Variants in HACD2 observed in about 807,000 individuals in gnomAD.
The protein encoded by HACD2 is 3-hydroxyacyl-CoA dehydratase 2.
HACD2 carries 15 observed loss-of-function variants against 31.0 expected under a neutral mutation model. The observed-to-expected ratio is 0.48, with a 90% CI of 0.32 to 0.75. HACD2 has a LOEUF of 0.75. Among genes scored for constraint, HACD2 ranks in the 30% least tolerant of loss-of-function variants. The probability of loss-of-function intolerance (pLI) is 0.03; values close to 1 mark genes in which losing one functional copy is unlikely to be tolerated. For synonymous variants in HACD2, 115 were observed against 122.2 expected (o/e 0.94, Z 0.39); for missense variants, 283 against 313.0 (o/e 0.90, Z 0.72).
intron 3 of HACD2, among the ~76,000 whole-genome samples, chr3:123,533,537 T>C (rs776209277): frequency 1.3e-5 from 2 of 152,232 alleles, no homozygotes; most frequent in Admixed American, 6.5e-5. Flanking sequence ...TGGCATAGCA[T>C]GTTAAAACCA....
chr3:123,541,295 T>C (rs186205889), intron 3 of HACD2, among the ~76,000 whole-genome samples: 12 of 152,250 alleles, frequency 7.9e-5, no homozygotes, highest in African/African-American at 2.2e-4. Flanking sequence ...CCCAACCTAA[T>C]AGCCACTTTC....
At chr3:123,500,417 A>C (rs1419204494) in intron 6 of HACD2, 98 bp downstream of exon 6, 1 of 759,596 alleles carries the variant, frequency 1.3e-6, no homozygotes, top group Non-Finnish European at 2.1e-6. Flanking sequence ...TGAGATTTAC[A>C]TTTACTTGGA....
chr3:123,566,728 C>G (rs1417771028), intron 3 of HACD2, among the ~76,000 whole-genome samples: 1 of 152,008 alleles, frequency 6.6e-6, no homozygotes, highest in Non-Finnish European at 1.5e-5. Context: ...AAAACCCCAT[C>G]TCTACTAAAA....
intron 2 of HACD2, among the ~76,000 whole-genome samples, chr3:123,577,997 TA>T (rs1176148725): frequency 2.0e-5 from 3 of 152,268 alleles, no homozygotes; most frequent in Non-Finnish European, 2.9e-5. Context: ...ATCATCACCT[TA>T]AAAGGAAATC....
intron 3 of HACD2, among the ~76,000 whole-genome samples, chr3:123,533,720 A>T (rs1433203936): frequency 6.6e-6 from 1 of 151,844 alleles, no homozygotes; most frequent in African/African-American, 2.4e-5. Context: ...GCCAGATACC[A>T]CTCTCCACAC....
At chr3:123,510,666 T>C (rs1231375308) in intron 4 of HACD2, among the ~76,000 whole-genome samples, 1 of 152,258 alleles carries the variant, frequency 6.6e-6, no homozygotes, top group Non-Finnish European at 1.5e-5. Context: ...TTATCATTTG[T>C]TGATGGACAT....
At chr3:123,548,169 T>C (rs1226493746) in intron 3 of HACD2, among the ~76,000 whole-genome samples, 1 of 152,068 alleles carries the variant, frequency 6.6e-6, no homozygotes, top group East Asian at 1.9e-4. Flanking sequence ...GGGCGTGATG[T>C]GGGCTTAGTA....
chr3:123,540,735 C>T (rs893732014), intron 3 of HACD2, among the ~76,000 whole-genome samples: 2 of 151,950 alleles, frequency 1.3e-5, no homozygotes, highest in African/African-American at 4.8e-5. Context: ...TGTATTTCAC[C>T]AGCAAGAGCA....
Position 123,526,212 on chromosome 3 carries a change from C to T in HACD2, c.381+2174G>A, listed in dbSNP as rs188922096. On this transcript the variant is annotated intron_variant, in intron 4 of 6. Coordinates refer to ENST00000383657, the MANE Select transcript of HACD2 (RefSeq NM_198402.5). ...TTTTCAAGGTGACATATAGCAAGTACTGGCCTCTGAGGGGCCACAGCAACA... is the reference window on the plus strand; with the variant it reads ...TTTTCAAGGTGACATATAGCAAGTATTGGCCTCTGAGGGGCCACAGCAACA... Among the ~76,000 whole-genome samples the T allele has an allele frequency of 4.6e-3, 704 of 152,334 alleles. 2 individuals are homozygous for T. Among genetic ancestry groups the T allele is most frequent in the Middle Eastern group, 0.01 (3 of 292 alleles).
intron 4 of HACD2, among the ~76,000 whole-genome samples, chr3:123,522,533 G>C (rs2107700953): frequency 6.6e-6 from 1 of 152,256 alleles, no homozygotes; most frequent in East Asian, 1.9e-4. Flanking sequence ...ATAGGTAACG[G>C]CAAAAGGATC....
At chr3:123,543,121 C>T (rs4678041) in intron 3 of HACD2, among the ~76,000 whole-genome samples, 27,517 of 152,044 alleles carry the variant, frequency 0.18, 3,321 homozygotes, top group East Asian at 0.39. Context: ...GCCCTCATTC[C>T]GTTTTAAATT....
chr3:123,571,714 A>AC (rs1427686475), intron 2 of HACD2, among the ~76,000 whole-genome samples: 1 of 152,076 alleles, frequency 6.6e-6, no homozygotes, highest in Non-Finnish European at 1.5e-5. Context: ...ATCTTATGAG[A>AC]CCCCCGAGCA....
At chr3:123,515,305 T>G (rs2056119968) in intron 4 of HACD2, among the ~76,000 whole-genome samples, 1 of 152,172 alleles carries the variant, frequency 6.6e-6, no homozygotes, top group African/African-American at 2.4e-5. Flanking sequence ...TGACTCATAC[T>G]AGGCTGGAAG....
At chr3:123,538,048 G>C (rs943367404) in intron 3 of HACD2, among the ~76,000 whole-genome samples, 2 of 152,160 alleles carry the variant, frequency 1.3e-5, no homozygotes, top group African/African-American at 4.8e-5. Flanking sequence ...AGAAGGATGG[G>C]ATATAAAACA....
intron 4 of HACD2, among the ~76,000 whole-genome samples, chr3:123,521,653 G>A (rs772811687): frequency 1.4e-4 from 21 of 150,982 alleles, no homozygotes; most frequent in Non-Finnish European, 2.2e-4. Flanking sequence ...GTTTTCAGGA[G>A]CAGAGTCACC....
At chr3:123,516,908 A>G (rs994657896) in intron 4 of HACD2, among the ~76,000 whole-genome samples, 1 of 152,168 alleles carries the variant, frequency 6.6e-6, no homozygotes, top group Non-Finnish European at 1.5e-5. Context: ...CTCTACTCCA[A>G]TTGAGTGTAA....
chr3:123,558,166 G>A (rs149175918), intron 3 of HACD2, among the ~76,000 whole-genome samples: 2,337 of 152,294 alleles, frequency 0.015, 65 homozygotes, highest in African/African-American at 0.052. Context: ...AGTCAAAGAA[G>A]TCGGTCTGAA....
At chr3:123,564,582 G>C (rs1352352983) in intron 3 of HACD2, among the ~76,000 whole-genome samples, 1 of 152,160 alleles carries the variant, frequency 6.6e-6, no homozygotes, top group Non-Finnish European at 1.5e-5. Flanking sequence ...CTTTAGACCA[G>C]AGGGTGATTT....
chr3:123,526,691 A>G (rs1039752898), intron 4 of HACD2, among the ~76,000 whole-genome samples: 3 of 152,194 alleles, frequency 2.0e-5, no homozygotes, highest in African/African-American at 4.8e-5. Flanking sequence ...ACCGTCTGTT[A>G]TATGTTAAGT....
Sources: allele counts gnomAD v4.1 joint callset (sites outside exome capture counted in the v4.1 genomes callset), GRCh38; gene constraint gnomAD v4.1.1; transcripts MANE v1.5; gene names NCBI Gene and HGNC (gene_info 2026-07-23, HGNC 2026-07-21).